ELANE: variants seen among roughly 807,000 people sequenced by gnomAD.
The protein encoded by ELANE is neutrophil elastase.
ELANE carries 12 observed loss-of-function variants against 20.6 expected under a neutral mutation model. The ratio of observed to expected loss-of-function variants is 0.58; its 90% CI spans 0.37 to 0.94. The LOEUF (loss-of-function observed/expected upper bound fraction) is 0.94. ELANE is among the 40% of genes least tolerant of loss of function. The pLI is 0.01. For synonymous variants in ELANE, 203 were observed against 177.4 expected, an observed-to-expected ratio of 1.14 and a Z score of -1.15; for missense variants, 388 against 395.2, an observed-to-expected ratio of 0.98 and a Z score of 0.15.
chr19:855,509 G>A lies in ELANE; in HGVS notation c.367-55G>A. 1.3e-6 allele frequency: 2 copies of A among 1,561,652 alleles called. No individual in the cohort carries two copies. The highest frequency in any genetic ancestry group is 1.1e-5 in the South Asian group (1 of 88,826). ...GGGAAACTGAGGCCCGGAGAGGGGA[G>A]GGTCATCATCACTGCCCCGTGTGAC... is the stretch of plus-strand genomic sequence containing the variant. On this transcript the variant is annotated intron_variant, in intron 3 of 4. Coordinates refer to ENST00000263621, the MANE Select transcript of ELANE (RefSeq NM_001972.4). The surrounding 1 kb of genome is among the most constrained non-coding windows in gnomAD (Gnocchi z 6.2).
At chr19:853,058 C>T (rs1020260020) in intron 2 of ELANE, 26 bp downstream of exon 2, 1 of 1,487,140 alleles carries the variant, frequency 6.7e-7, no homozygotes, top group Non-Finnish European at 8.9e-7. Flanking sequence ...TGTGCGCGCC[C>T]GGCTCGGACC....
rs201512730 is a variant in ELANE, at chr19:855,572, G to A, written c.375G>A (p.Gly125=). Residue 125 remains glycine (G), a synonymous_variant, in exon 4 of 5, where the codon GGG becomes GGA. Coordinates refer to ENST00000263621, the MANE Select transcript of ELANE (RefSeq NM_001972.4). This position sits in a 1 kb window ranked among gnomAD's most constrained non-coding sequence, Gnocchi z 6.2. ...LNDIVILQLN[G]SATINANVQV... ...TGTCCCCACCGCCACAGCTCAACGG[G>A]TCGGCCACCATCAACGCCAACGTGC... The A allele has an allele frequency of 1.5e-5, 24 of 1,599,442 alleles. No individual in the cohort carries two copies. In the Admixed American group the frequency reaches 2.0e-4, roughly 13 times the overall value.
At chr19:853,182 C>A in intron 2 of ELANE, 80 bp from the exon 3 acceptor site, 3 of 1,501,360 alleles carry the variant, frequency 2.0e-6, no homozygotes, top group Non-Finnish European at 2.7e-6. Context: ...TCAGGCCCGT[C>A]GCCGGATGGG....
At chr19:852,836 C>A in intron 1 of ELANE, 40 bp from the exon 2 acceptor site, 1 of 1,586,396 alleles carries the variant, frequency 6.3e-7, no homozygotes, top group Non-Finnish European at 8.5e-7. Flanking sequence ...GGACAGGCTC[C>A]TTGGCAGGCA....
chr19:855,439 T>C lies in ELANE; in HGVS notation c.367-125T>C, dbSNP rs2035661256. The C allele has an allele frequency of 9.6e-7, 1 of 1,043,042 alleles. No individual in the cohort carries two copies. Among genetic ancestry groups the C allele is most frequent in the East Asian group, 2.6e-5 (1 of 38,470 alleles). 64.6% of individuals were successfully genotyped at this position (1,043,042 alleles called of 1,614,324 possible). On this transcript the variant is annotated intron_variant, in intron 3 of 4. Coordinates refer to ENST00000263621, the MANE Select transcript of ELANE (RefSeq NM_001972.4). The surrounding 1 kb of genome is among the most constrained non-coding windows in gnomAD (Gnocchi z 6.2). ...CTTGGGGAGCAGAGTGTGGGGTGGGTATCCTGCCCTGCAGGATCCCAGAAC... is the reference window on the plus strand; with the variant it reads ...CTTGGGGAGCAGAGTGTGGGGTGGGCATCCTGCCCTGCAGGATCCCAGAAC...
intron 3 of ELANE, among the ~76,000 whole-genome samples, chr19:853,629 G>T (rs970944825): frequency 6.6e-6 from 1 of 152,130 alleles, no homozygotes; most frequent in Non-Finnish European, 1.5e-5. Context: ...GCCCCGATCT[G>T]CTGTCAATCA....
intron 3 of ELANE, among the ~76,000 whole-genome samples, chr19:853,619 GC>G (rs2035631870): frequency 6.6e-6 from 1 of 152,164 alleles, no homozygotes; most frequent in African/African-American, 2.4e-5. Flanking sequence ...CTGCAGGGAG[GC>G]CCCGATCTGC....
rs907642524 is a variant in ELANE at position 855,142 on chromosome 19, C to A, written c.367-422C>A. 2.6e-5 allele frequency among the ~76,000 whole-genome samples: 4 copies of A among 152,050 alleles called. No homozygotes were observed. Among genetic ancestry groups the A allele is most frequent in the Non-Finnish European group, 5.9e-5 (4 of 68,018 alleles). ...TGCTGGGATTATAGGCGTGAGCCAC[C>A]GCACCTGGCAATTTTTTTTTATTAT... On this transcript the variant is annotated intron_variant, in intron 3 of 4. Coordinates refer to ENST00000263621, the MANE Select transcript of ELANE (RefSeq NM_001972.4). The surrounding 1 kb of genome is among the most constrained non-coding windows in gnomAD (Gnocchi z 6.2).
Position 853,289 on chromosome 19 carries a change from G to A in ELANE, c.252G>A (p.Leu84=). 6.2e-7 allele frequency: 1 copy of A among 1,609,086 alleles called. No homozygotes were observed. The highest frequency in any genetic ancestry group is 2.2e-5 in the East Asian group (1 of 44,684). ...NVNVRAVRVV[L]GAHNLSRREP... ...ACGTCCGCGCGGTGCGGGTGGTCCT[G>A]GGAGCCCATAACCTCTCGCGGCGGG... Residue 84 remains leucine, a synonymous_variant, in exon 3 of 5, where the codon CTG becomes CTA. Coordinates refer to ENST00000263621, the MANE Select transcript of ELANE (RefSeq NM_001972.4).
In ELANE at chr19:855,287, G is replaced by A. The variant is rs975740501; in HGVS notation, c.367-277G>A. ...CTTACAAGCATGAGCCACCGCGCCC[G>A]GCTGTAGTTTTTTTGTTAACTGAGC... On this transcript the variant is annotated intron_variant, in intron 3 of 4. Transcript: ENST00000263621. This position sits in a 1 kb window ranked among gnomAD's most constrained non-coding sequence, Gnocchi z 6.2. Among the ~76,000 whole-genome samples the A allele has an allele frequency of 4.6e-5, 7 of 152,088 alleles. No individual in the cohort carries two copies. Among genetic ancestry groups the A allele is most frequent in the Admixed American group, 4.6e-4 (7 of 15,236 alleles).
Position 855,918 on chromosome 19 carries a change from G to C in ELANE, c.598-40G>C. 2 of 1,611,238 alleles carry C rather than the reference G, an allele frequency of 1.2e-6. No individual in the cohort carries two copies. Among genetic ancestry groups the C allele is most frequent in the Non-Finnish European group, 1.7e-6 (2 of 1,179,592 alleles). On this transcript the variant is annotated intron_variant, in intron 4 of 4. Coordinates refer to ENST00000263621, the MANE Select transcript of ELANE (RefSeq NM_001972.4). This position sits in a 1 kb window ranked among gnomAD's most constrained non-coding sequence, Gnocchi z 6.2. ...GACAGGCGGCGGGCAGGTGGGCAGG[G>C]CCTCGCAGTCCAGCTTCCCCACCTT...
At chr19:854,270 C>T (rs895399846) in intron 3 of ELANE, among the ~76,000 whole-genome samples, 1 of 151,642 alleles carries the variant, frequency 6.6e-6, no homozygotes, top group Non-Finnish European at 1.5e-5. Flanking sequence ...AGTGAAACCC[C>T]GTCTCTACTA....
Position 852,860 on chromosome 19 carries a change from C to T in ELANE, c.68-16C>T. The T allele has an allele frequency of 6.3e-7, 1 of 1,592,928 alleles. No individual in the cohort carries two copies. The highest frequency in any genetic ancestry group is 8.5e-7 in the Non-Finnish European group (1 of 1,175,826). The stretch of plus-strand genomic sequence containing the variant: ...CCTTGGCAGGCACTCAGCACCCGCA[C>T]CCGGTGTGTCCCCAGGCACCGCGCT... On this transcript the variant is annotated splice_polypyrimidine_tract_variant and intron_variant, in intron 1 of 4. Coordinates refer to ENST00000263621, the MANE Select transcript of ELANE (RefSeq NM_001972.4).
intron 1 of ELANE, 113 bp downstream of exon 1, chr19:852,508 G>A (rs2035609470): frequency 7.4e-7 from 1 of 1,357,578 alleles, no homozygotes; most frequent in Non-Finnish European, 1.0e-6. Context: ...GGAGGTGCCA[G>A]CTGGGACAAG....
At position 853,380 on chromosome 19, in the gene ELANE, C is replaced by T; in HGVS notation, c.343C>T (p.Leu115Phe). The change falls in exon 3 of 5, where the codon CTC (leucine) becomes TTC (phenylalanine). Residue 115 changes from leucine (L) to phenylalanine (F), a missense_variant. Leu to Phe is a conservative substitution (Grantham distance 22, BLOSUM62 0). Around this residue, in one of 3 missense-constraint regions of ELANE, gnomAD observed 321 missense variants for 309.8 expected, o/e 1.04. Transcript: ENST00000263621. ...AAACGGCTACGACCCCGTAAACTTG[C>T]TCAACGACATCGTGATTCTCCAGGT... ...FENGYDPVNL[L>F]NDIVILQLNG... 1 of 1,610,644 alleles carries T rather than the reference C, an allele frequency of 6.2e-7. No homozygotes were observed. Among genetic ancestry groups the T allele is most frequent in the Non-Finnish European group, 8.5e-7 (1 of 1,178,752 alleles).
chr19:853,254 C>A lies in ELANE; in HGVS notation c.225-8C>A. The A allele has an allele frequency of 6.3e-7, 1 of 1,591,278 alleles. No individual in the cohort carries two copies. Among genetic ancestry groups the A allele is most frequent in the Non-Finnish European group, 8.5e-7 (1 of 1,169,934 alleles). On this transcript the variant is annotated splice_polypyrimidine_tract_variant and splice_region_variant and intron_variant, in intron 2 of 4. Coordinates refer to ENST00000263621, the MANE Select transcript of ELANE (RefSeq NM_001972.4). ...CGCCCCTGAGCCCCGCCTCTCCCTC[C>A]CCGGCAGAAACGTCCGCGCGGTGCG...
rs962839064 is a variant in ELANE at position 852,547 on chromosome 19, G to A, written c.67+152G>A. ...ACCAGAAGAGACTGAGGTTCTGAGC[G>A]GTGAAGCCACCACCAGGAGCCCAGA... On this transcript the variant is annotated intron_variant, in intron 1 of 4. Transcript: ENST00000263621. The A allele has an allele frequency of 1.2e-5, 11 of 912,236 alleles. No homozygotes were observed. The African/African-American group carries it at 1.2e-4, about 10-fold the overall frequency. The allele number at this position is 912,236 out of a possible 1,614,324, so 56.5% of individuals were successfully genotyped here. A position where few individuals can be genotyped will look rare whatever the true frequency, so the allele number is the denominator to read the frequency against.
chr19:854,609 C>T (rs930329967), intron 3 of ELANE, among the ~76,000 whole-genome samples: 1 of 150,008 alleles, frequency 6.7e-6, no homozygotes, highest in Non-Finnish European at 1.5e-5. Flanking sequence ...CCACAGGTGC[C>T]ACCACGTGGG....
At chr19:854,322 C>T (rs1222320019) in intron 3 of ELANE, among the ~76,000 whole-genome samples, 1 of 151,908 alleles carries the variant, frequency 6.6e-6, no homozygotes, top group East Asian at 1.9e-4. Flanking sequence ...GTTGTGGGTG[C>T]CTGTAATGCC....
Sources: allele counts gnomAD v4.1 joint callset (sites outside exome capture counted in the v4.1 genomes callset), GRCh38; gene constraint gnomAD v4.1.1; regional missense constraint gnomAD v4.1.1; non-coding constraint Gnocchi (gnomAD v3.1); transcripts MANE v1.5; gene names NCBI Gene and HGNC (gene_info 2026-07-23, HGNC 2026-07-21).